Variants in AGAP6 observed in about 807,000 individuals in gnomAD.
AGAP6 encodes the protein arf-GAP with GTPase, ANK repeat and PH domain-containing protein 6.
In AGAP6, 29 loss-of-function variants were observed where a neutral mutation model predicts 63.9. The ratio of observed to expected loss-of-function variants is 0.45; its 90% CI spans 0.34 to 0.62. AGAP6 has a LOEUF of 0.62. AGAP6 is among the 20% of genes least tolerant of loss of function. AGAP6 has a pLI of 0.01. For missense variants in AGAP6, 493 were observed against 884.9 expected (o/e 0.56, Z 5.62); for synonymous variants, 199 against 332.9 (o/e 0.60, Z 4.38).
At chr10:50,004,027 T>C (rs1378071288) in intron 5 of AGAP6, among the ~76,000 whole-genome samples, 1 of 152,194 alleles carries the variant, frequency 6.6e-6, no homozygotes, top group Non-Finnish European at 1.5e-5. Flanking sequence ...TGAGACTCAC[T>C]CTACAAAATT....
intron 6 of AGAP6, among the ~76,000 whole-genome samples, chr10:50,007,787 CAATACT>C (rs1554864168): frequency 1.3e-5 from 2 of 151,938 alleles, no homozygotes; most frequent in East Asian, 3.9e-4. Flanking sequence ...TAGGGAGAGT[CAATACT>C]CACGGGCATT....
intron 2 of AGAP6, 34 bp downstream of exon 2, chr10:49,989,410 T>C (rs781894683): frequency 1.9e-6 from 3 of 1,597,296 alleles, no homozygotes; most frequent in Non-Finnish European, 2.5e-6. Context: ...CTATTTATTA[T>C]CCTGTGGTAC....
chr10:49,995,040 T>C lies in AGAP6; in HGVS notation c.396+611T>C, dbSNP rs560632063. Among the ~76,000 whole-genome samples, 8 of 152,128 alleles carry C rather than the reference T, an allele frequency of 5.3e-5. No homozygotes were observed. In the East Asian group the frequency reaches 1.5e-3, roughly 29 times the overall value. ...AAAGAACAAAAATAGAATAGTTAAG[T>C]TAATTGCCAGCACTGTCTATTGACT... is the stretch of plus-strand genomic sequence containing the variant. On this transcript the variant is annotated intron_variant, in intron 4 of 7. Coordinates refer to ENST00000412531, the MANE Select transcript of AGAP6 (RefSeq NM_001077665.3).
intron 6 of AGAP6, among the ~76,000 whole-genome samples, chr10:50,005,641 T>G (rs186571725): frequency 0.026 from 3,977 of 150,524 alleles, 64 homozygotes; most frequent in Non-Finnish European, 0.041. Context: ...AATAAGCTGG[T>G]GGGGCGCAGT....
In AGAP6 at chr10:49,989,356, A is replaced by C. The variant is rs1841175274; in HGVS notation, c.272A>C (p.Gln91Pro). 6.3e-7 allele frequency: 1 copy of C among 1,597,538 alleles called. No individual in the cohort carries two copies. Among genetic ancestry groups the C allele is most frequent in the African/African-American group, 1.3e-5 (1 of 74,978 alleles). ...AATCCAGAGTCAAGCACAATATTCC[A>C]GAGGAACTCTCAAACAGAAGGTGAG... is the stretch of plus-strand genomic sequence containing the variant. ...SANPESSTIF[Q>P]RNSQTEALEF... Residue 91 changes from glutamine to proline, a missense_variant, in exon 2 of 8, where the codon CAG becomes CCG. Gln to Pro is a moderately conservative substitution (Grantham distance 76). This residue lies in a region of AGAP6 where 342 missense variants were observed against 533.4 expected (regional missense o/e 0.64). Coordinates refer to ENST00000412531, the MANE Select transcript of AGAP6 (RefSeq NM_001077665.3).
At chr10:50,002,173 C>T (rs1486310861) in intron 5 of AGAP6, 77 bp downstream of exon 5, 2 of 1,431,856 alleles carry the variant, frequency 1.4e-6, no homozygotes, top group South Asian at 2.4e-5. Context: ...TCCTTTTCAG[C>T]AATCAGTTTA....
chr10:49,996,860 T>C (rs1554862030), intron 4 of AGAP6, among the ~76,000 whole-genome samples: 1 of 151,906 alleles, frequency 6.6e-6, no homozygotes. Context: ...TCACTTTCTG[T>C]AGGCACCAAA....
rs559164971 is a variant in AGAP6 at position 49,993,975 on chromosome 10, C to G, written c.362-420C>G. On this transcript the variant is annotated intron_variant, in intron 3 of 7. Coordinates refer to ENST00000412531, the MANE Select transcript of AGAP6 (RefSeq NM_001077665.3). Reference sequence around the variant, plus strand: ...TTCTGTTGCATCTAGAGATAGGTGTCTGGTCAGGAAGTAGTTCTTAGAGCT... The same window carrying G: ...TTCTGTTGCATCTAGAGATAGGTGTGTGGTCAGGAAGTAGTTCTTAGAGCT... 6.6e-4 allele frequency among the ~76,000 whole-genome samples: 100 copies of G among 152,212 alleles called. 2 individuals are homozygous for G. In the Middle Eastern group the frequency reaches 0.017, roughly 26 times the overall value.
chr10:49,994,700 C>A (rs1457300670), intron 4 of AGAP6, among the ~76,000 whole-genome samples: 1 of 152,210 alleles, frequency 6.6e-6, no homozygotes, highest in Non-Finnish European at 1.5e-5. Context: ...TGGTGGCTAA[C>A]GTCTGTAATC....
intron 5 of AGAP6, among the ~76,000 whole-genome samples, chr10:50,003,792 C>A (rs1201026792): frequency 6.6e-6 from 1 of 152,118 alleles, no homozygotes; most frequent in Non-Finnish European, 1.5e-5. Context: ...GGTCTGTTTC[C>A]CTGATCTGTA....
intron 4 of AGAP6, among the ~76,000 whole-genome samples, chr10:49,996,377 T>G (rs1554861939): frequency 6.6e-6 from 1 of 152,224 alleles, no homozygotes. Context: ...GCAGGATTTC[T>G]GTTAACTGAT....
intron 1 of AGAP6, 109 bp downstream of exon 1, chr10:49,989,047 A>C (rs1292800727): frequency 9.1e-5 from 145 of 1,594,998 alleles, no homozygotes; most frequent in Non-Finnish European, 1.2e-4. Flanking sequence ...GCTTGTAGCC[A>C]GCTTTCCCGG....
chr10:49,996,371 G>A (rs1554861937), intron 4 of AGAP6, among the ~76,000 whole-genome samples: 1 of 152,042 alleles, frequency 6.6e-6, no homozygotes, highest in Non-Finnish European at 1.5e-5. Context: ...TTGGAAGCAG[G>A]ATTTCTGTTA....
intron 2 of AGAP6, among the ~76,000 whole-genome samples, chr10:49,989,819 TTG>T (rs1417352206): frequency 3.3e-5 from 5 of 151,858 alleles, no homozygotes; most frequent in African/African-American, 9.7e-5. Flanking sequence ...AGAAAAATGG[TTG>T]TGTGTGTGTG....
rs1841174731 is a variant in AGAP6, at chr10:49,989,348, A to G, written c.264A>G (p.Thr88=). ...FNLSANPESS[T]IFQRNSQTEA... ...TTTCTGCCAATCCAGAGTCAAGCAC[A>G]ATATTCCAGAGGAACTCTCAAACAG... Residue 88 remains threonine (T), a synonymous_variant, in exon 2 of 8, where the codon ACA becomes ACG. Transcript: ENST00000412531. The G allele has an allele frequency of 6.3e-7, 1 of 1,597,542 alleles. No homozygotes were observed. The highest frequency in any genetic ancestry group is 8.5e-7 in the Non-Finnish European group (1 of 1,179,760).
intron 4 of AGAP6, among the ~76,000 whole-genome samples, chr10:49,994,961 C>CAAA (rs536082046): frequency 9.5e-5 from 6 of 63,172 alleles, no homozygotes; most frequent in African/African-American, 1.4e-4. Context: ...AACTCTGTCT[C>CAAA]AAAAAAAAAA....
chr10:50,003,544 G>A (rs1159286234), intron 5 of AGAP6, among the ~76,000 whole-genome samples: 15 of 152,176 alleles, frequency 9.9e-5, no homozygotes, highest in Non-Finnish European at 8.8e-5. Flanking sequence ...CCCCAGCTCA[G>A]TCATTCCAAA....
chr10:50,009,655 C>G lies in AGAP6; in HGVS notation c.1530C>G (p.Gly510=). 6.2e-7 allele frequency: 1 copy of G among 1,614,136 alleles called. No individual in the cohort carries two copies. The highest frequency in any genetic ancestry group is 8.5e-7 in the Non-Finnish European group (1 of 1,180,030). The change falls in exon 8 of 8, where the codon GGC becomes GGG. Residue 510 remains glycine (G), a synonymous_variant. Transcript: ENST00000412531. ...IECSGIHRSL[G]PHLSRVRSLE... ...GCTCAGGTATCCACCGCAGTCTTGG[C>G]CCCCACCTTTCCCGTGTGCGATCTC...
At position 50,008,992 on chromosome 10, in the gene AGAP6, C is replaced by T. The variant is rs782237119; in HGVS notation, c.867C>T (p.Leu289=). ...GRAIPIKQGM[L]LKRSGKWLKT... ...CCATCCCCATTAAACAGGGCATGCT[C>T]TTAAAGCGAAGTGGGAAATGGCTGA... Residue 289 remains leucine, a synonymous_variant, in exon 8 of 8, where the codon CTC becomes CTT. Transcript: ENST00000412531. 2.5e-6 allele frequency: 4 copies of T among 1,613,788 alleles called. No homozygotes were observed. The highest frequency in any genetic ancestry group is 1.7e-5 in the Admixed American group (1 of 59,982).
Sources: allele counts gnomAD v4.1 joint callset (sites outside exome capture counted in the v4.1 genomes callset), GRCh38; gene constraint gnomAD v4.1.1; regional missense constraint gnomAD v4.1.1; transcripts MANE v1.5; gene names NCBI Gene and HGNC (gene_info 2026-07-23, HGNC 2026-07-21).